The following USP31 variants were observed in gnomAD, a reference collection of about 807,000 sequenced individuals.
USP31 encodes ubiquitin specific peptidase 31, also known as ubiquitin carboxyl-terminal hydrolase 31.
USP31 carries 44 observed loss-of-function variants against 119.4 expected under a neutral mutation model. That is an observed-to-expected ratio of 0.37 (90% CI 0.29 to 0.47). USP31 has a LOEUF of 0.47. Among genes scored for constraint, USP31 ranks in the 20% least tolerant of loss-of-function variants. USP31 has a pLI of 0.99. For missense variants in USP31, 1,643 were observed against 1,730.2 expected (o/e 0.95, Z 0.89); for synonymous variants, 749 against 705.6 (o/e 1.06, Z -0.97).
chr16:23,083,695 C>CGGGGGGGGGGG (rs11311505), intron 11 of USP31, among the ~76,000 whole-genome samples: 5 of 37,882 alleles, frequency 1.3e-4, no homozygotes, highest in Non-Finnish European at 2.3e-4. Flanking sequence ...GCAAACCTGG[C>CGGGGGGGGGGG]GGGGGGGGGG....
Position 23,149,184 on chromosome 16 carries a change from C to T in USP31, c.87G>A (p.Arg29=). 8.6e-7 allele frequency: 1 copy of T among 1,162,404 alleles called. No homozygotes were observed. The highest frequency in any genetic ancestry group is 1.1e-6 in the Non-Finnish European group (1 of 940,150). 72.0% of individuals were successfully genotyped at this position (1,162,404 alleles called of 1,614,324 possible). The change falls in exon 1 of 16, where the codon CGG becomes CGA. Residue 29 remains arginine (R), a synonymous_variant. Coordinates refer to ENST00000219689, the MANE Select transcript of USP31 (RefSeq NM_020718.4). ...EKRSFSKRLF[R]SGRAGGGGAG... ...CGCCGCCGCCGCCAGCGCGGCCGCT[C>T]CGAAACAGCCGCTTGCTGAAGGAGC...
chr16:23,094,775 A>G (rs1023672169), intron 6 of USP31, among the ~76,000 whole-genome samples: 1 of 152,160 alleles, frequency 6.6e-6, no homozygotes, highest in African/African-American at 2.4e-5. Context: ...TGATCATTAG[A>G]AGGAAAACTA....
At position 23,068,745 on chromosome 16, in the gene USP31, G is replaced by A; in HGVS notation, c.3360C>T (p.Ala1120=). Residue 1120 remains alanine, a synonymous_variant, in exon 16 of 16, where the codon GCC becomes GCT. Coordinates refer to ENST00000219689, the MANE Select transcript of USP31 (RefSeq NM_020718.4). ...ATGTGGAGGAAGCAGTGTAGGTGAG[G>A]GCCGAGGCTGACTTCTGCTTCTGTG... ...PSPQKQKSAS[A]LTYTASSTSA... 6.3e-7 allele frequency: 1 copy of A among 1,594,778 alleles called. No individual in the cohort carries two copies. The highest frequency in any genetic ancestry group is 8.5e-7 in the Non-Finnish European group (1 of 1,171,674).
chr16:23,105,693 C>G (rs1902070024), intron 4 of USP31, 117 bp from the exon 5 acceptor site: 1 of 1,186,860 alleles, frequency 8.4e-7, no homozygotes, highest in Non-Finnish European at 1.1e-6. Context: ...CACACTGTTA[C>G]TCGGAAGCCC....
chr16:23,076,301 A>G (rs1311635938), intron 13 of USP31, among the ~76,000 whole-genome samples: 4 of 152,116 alleles, frequency 2.6e-5, no homozygotes, highest in East Asian at 1.9e-4. Context: ...AAAAAAAAAA[A>G]AAAGAAAAAA....
intron 1 of USP31, among the ~76,000 whole-genome samples, chr16:23,133,730 T>A (rs1206048872): frequency 6.6e-6 from 1 of 152,206 alleles, no homozygotes; most frequent in East Asian, 1.9e-4. Context: ...AGGCAGGCAT[T>A]CAGCAAACGT....
intron 1 of USP31, among the ~76,000 whole-genome samples, chr16:23,142,978 C>T (rs1166893997): frequency 6.6e-6 from 1 of 152,152 alleles, no homozygotes; most frequent in Non-Finnish European, 1.5e-5. Flanking sequence ...AGCACCAGAA[C>T]CCCCAGCATG....
At chr16:23,098,031 T>A (rs1002860876) in intron 6 of USP31, among the ~76,000 whole-genome samples, 6 of 152,198 alleles carry the variant, frequency 3.9e-5, no homozygotes, top group Non-Finnish European at 7.3e-5. Context: ...GGAAGTCAAA[T>A]TGTCCCTGTT....
In USP31 at chr16:23,068,968, A is replaced by G; in HGVS notation, c.3137T>C (p.Leu1046Ser). 6.2e-7 allele frequency: 1 copy of G among 1,614,180 alleles called. No homozygotes were observed. The highest frequency in any genetic ancestry group is 8.5e-7 in the Non-Finnish European group (1 of 1,180,026). Residue 1046 changes from leucine to serine, a missense_variant, in exon 16 of 16, where the codon TTG (leucine) becomes TCG (serine). Around this residue, in one of 5 missense-constraint regions of USP31, gnomAD observed 699 missense variants for 650.9 expected, o/e 1.07. Coordinates refer to ENST00000219689, the MANE Select transcript of USP31 (RefSeq NM_020718.4). ...EKSLRKGRPALASQESSLSST... is the reference protein window; with the variant it reads ...EKSLRKGRPASASQESSLSST... The stretch of plus-strand genomic sequence containing the variant: ...TGAAAGGGATGACTCCTGGCTTGCC[A>G]AGGCTGGTCTCCCCTTCCGCAAGCT...
intron 13 of USP31, among the ~76,000 whole-genome samples, chr16:23,074,877 A>G (rs1375781019): frequency 6.6e-6 from 1 of 152,204 alleles, no homozygotes; most frequent in East Asian, 1.9e-4. Flanking sequence ...TTATGATCAC[A>G]TTTTCTAAAA....
chr16:23,097,093 T>C (rs1295988588), intron 6 of USP31, among the ~76,000 whole-genome samples: 2 of 151,862 alleles, frequency 1.3e-5, no homozygotes, highest in Non-Finnish European at 2.9e-5. Context: ...GATAGACCGC[T>C]AGCAAGACTA....
chr16:23,123,296 G>A (rs993984072), intron 1 of USP31, among the ~76,000 whole-genome samples: 1 of 152,158 alleles, frequency 6.6e-6, no homozygotes, highest in African/African-American at 2.4e-5. Flanking sequence ...CTCGGACTCT[G>A]GGAGGCCGAG....
chr16:23,111,038 G>C (rs1305214348), intron 1 of USP31, among the ~76,000 whole-genome samples: 1 of 152,194 alleles, frequency 6.6e-6, no homozygotes, highest in Non-Finnish European at 1.5e-5. Context: ...TGAGGCAGGA[G>C]AATGGCGTGA....
intron 1 of USP31, among the ~76,000 whole-genome samples, chr16:23,132,234 G>A (rs1903051383): frequency 6.6e-6 from 1 of 151,898 alleles, no homozygotes; most frequent in Non-Finnish European, 1.5e-5. Context: ...TTAATTAGCA[G>A]AGCAAACAAT....
intron 5 of USP31, among the ~76,000 whole-genome samples, 165 bp downstream of exon 5, chr16:23,105,276 T>C (rs943948301): frequency 2.6e-5 from 4 of 152,240 alleles, no homozygotes; most frequent in Admixed American, 1.3e-4. Context: ...AGTTTCTATA[T>C]ACATTTTAGT....
intron 1 of USP31, among the ~76,000 whole-genome samples, chr16:23,143,379 T>C (rs1459080767): frequency 6.6e-6 from 1 of 152,220 alleles, no homozygotes; most frequent in Non-Finnish European, 1.5e-5. Flanking sequence ...TGTAAGAATC[T>C]GGGGCACCCA....
intron 10 of USP31, 52 bp from the exon 11 acceptor site, chr16:23,085,041 G>T: frequency 6.3e-7 from 1 of 1,591,362 alleles, no homozygotes; most frequent in South Asian, 1.1e-5. Flanking sequence ...AAAACAGAAG[G>T]AAAAATACAA....
chr16:23,141,839 A>G (rs1357235396), intron 1 of USP31, among the ~76,000 whole-genome samples: 2 of 152,238 alleles, frequency 1.3e-5, no homozygotes, highest in African/African-American at 4.8e-5. Flanking sequence ...GACTTGTACA[A>G]TATGTGGCAT....
At chr16:23,106,556 G>C in intron 2 of USP31, 69 bp from the exon 3 acceptor site, 1 of 1,424,668 alleles carries the variant, frequency 7.0e-7, no homozygotes, top group Non-Finnish European at 9.6e-7. Context: ...TGAAGCTAGA[G>C]AATCACATAT....
Sources: allele counts gnomAD v4.1 joint callset (sites outside exome capture counted in the v4.1 genomes callset), GRCh38; gene constraint gnomAD v4.1.1; regional missense constraint gnomAD v4.1.1; transcripts MANE v1.5; gene names NCBI Gene and HGNC (gene_info 2026-07-23, HGNC 2026-07-21).